The following PPP4R1 variants were observed in gnomAD, a reference collection of about 807,000 sequenced individuals.
PPP4R1 encodes protein phosphatase 4 regulatory subunit 1.
In PPP4R1, 42 loss-of-function variants were observed where a neutral mutation model predicts 111.2. The observed-to-expected ratio is 0.38, with a 90% CI of 0.29 to 0.49. The LOEUF is 0.49. PPP4R1 is among the 20% of genes least tolerant of loss of function. The pLI is 0.97. For synonymous variants in PPP4R1, 409 were observed against 405.5 expected (o/e 1.01, Z -0.10); for missense variants, 1,012 against 1,161.6 (o/e 0.87, Z 1.87).
chr18:9,594,079 C>A, intron 3 of PPP4R1: 1 of 458,448 alleles, frequency 2.2e-6, no homozygotes, highest in South Asian at 2.6e-5. Context: ...AGGCATGCAC[C>A]ACCACACCTG....
At chr18:9,598,244 T>C (rs1193169533) in intron 2 of PPP4R1, among the ~76,000 whole-genome samples, 1 of 152,092 alleles carries the variant, frequency 6.6e-6, no homozygotes, top group Non-Finnish European at 1.5e-5. Context: ...ATGGGAGATA[T>C]AAAATATATT....
At chr18:9,567,850 C>T (rs891049870) in intron 11 of PPP4R1, among the ~76,000 whole-genome samples, 2 of 152,216 alleles carry the variant, frequency 1.3e-5, no homozygotes, top group African/African-American at 2.4e-5. Flanking sequence ...TCAGCAACCA[C>T]TGCCCTGACC....
rs1056101168 is a variant in PPP4R1 at position 9,584,901 on chromosome 18, G to A, written c.586-73C>T. The A allele has an allele frequency of 9.9e-6, 12 of 1,207,014 alleles. No individual in the cohort carries two copies. The African/African-American group carries it at 1.7e-4, about 17-fold the overall frequency. The allele number at this position is 1,207,014 out of a possible 1,614,324, so 74.8% of individuals were successfully genotyped here. The stretch of plus-strand genomic sequence containing the variant: ...CTTTCAGTTAAATTAAATAATAAAA[G>A]TATATAATTTGAGGAAACATAAAAT... On this transcript the variant is annotated intron_variant, in intron 6 of 19. Coordinates refer to ENST00000400556, the MANE Select transcript of PPP4R1 (RefSeq NM_001042388.3).
At chr18:9,616,944 G>A (rs367641822), upstream of PPP4R1, among the ~76,000 whole-genome samples, 1 of 152,160 alleles carries the variant, frequency 6.6e-6, no homozygotes, top group Admixed American at 6.5e-5. Flanking sequence ...ATGGTTTTTA[G>A]ATATTTCAGT....
At chr18:9,611,311 G>A (rs2067575443) in intron 2 of PPP4R1, among the ~76,000 whole-genome samples, 1 of 152,060 alleles carries the variant, frequency 6.6e-6, no homozygotes, top group African/African-American at 2.4e-5. Flanking sequence ...CATAGACAGA[G>A]AAACTCAGGC....
At position 9,561,264 on chromosome 18, in the gene PPP4R1, A is replaced by T. The variant is rs905986828; in HGVS notation, c.1842+716T>A. On this transcript the variant is annotated intron_variant, in intron 13 of 19. Transcript: ENST00000400556. ...ATAATAATAATAATAATAATAATAA[A>T]GTCATAGAAGCAAACAACACGTACA... 7.7e-5 allele frequency among the ~76,000 whole-genome samples: 11 copies of T among 143,484 alleles called. No individual in the cohort carries two copies. In the East Asian group the frequency reaches 1.0e-3, roughly 13 times the overall value. 94.1% of individuals were successfully genotyped at this position (143,484 alleles called of 152,430 possible).
At position 9,547,734 on chromosome 18, in the gene PPP4R1, G is replaced by A. The variant is rs1230278409; in HGVS notation, c.*55C>T. On this transcript the variant is annotated 3_prime_UTR_variant, in exon 20 of 20. Transcript: ENST00000400556. ...ATCCCAGGTCACATGCGTGGCGAAT[G>A]CCCACTGAACCTCGGCTCTCATGGA... 10 of 1,591,622 alleles carry A rather than the reference G, an allele frequency of 6.3e-6. No individual in the cohort carries two copies. The African/African-American group carries it at 8.1e-5, about 13-fold the overall frequency.
intron 2 of PPP4R1, among the ~76,000 whole-genome samples, chr18:9,603,785 T>A (rs534452158): frequency 6.6e-6 from 1 of 152,152 alleles, no homozygotes; most frequent in Non-Finnish European, 1.5e-5. Flanking sequence ...TTGCCTGACA[T>A]AAAATTTAAA....
At position 9,549,760 on chromosome 18, in the gene PPP4R1, T is replaced by C. The variant is rs1473300408; in HGVS notation, c.2547+292A>G. On this transcript the variant is annotated intron_variant, in intron 18 of 19. Coordinates refer to ENST00000400556, the MANE Select transcript of PPP4R1 (RefSeq NM_001042388.3). ...AAATGTACATATACACACGTCTGAA[T>C]GTGTGCAGAGCAGAACACGCACATA... is the stretch of plus-strand genomic sequence containing the variant. 2.1e-5 allele frequency: 11 copies of C among 528,968 alleles called. No individual in the cohort carries two copies. In the East Asian group the frequency reaches 3.2e-4, roughly 16 times the overall value. The allele number at this position is 528,968 out of a possible 1,614,324, so 32.8% of individuals were successfully genotyped here. A position where few individuals can be genotyped will look rare whatever the true frequency, so the allele number is the denominator to read the frequency against.
At chr18:9,591,585 T>A (rs776542634) in intron 4 of PPP4R1, among the ~76,000 whole-genome samples, 1 of 152,200 alleles carries the variant, frequency 6.6e-6, no homozygotes, top group Non-Finnish European at 1.5e-5. Flanking sequence ...AAACTAAGGA[T>A]ACATATTTCA....
At chr18:9,606,632 G>A (rs1396284874) in intron 2 of PPP4R1, among the ~76,000 whole-genome samples, 1 of 151,864 alleles carries the variant, frequency 6.6e-6, no homozygotes, top group Admixed American at 6.6e-5. Flanking sequence ...CTGAATTTAA[G>A]GCAAGAATAA....
At chr18:9,564,842 A>G (rs1426653127) in intron 11 of PPP4R1, among the ~76,000 whole-genome samples, 3 of 150,662 alleles carry the variant, frequency 2.0e-5, no homozygotes, top group African/African-American at 7.3e-5. Context: ...TTTTTCTTTA[A>G]AGAGGTGAGG....
chr18:9,561,982 G>A lies in PPP4R1; in HGVS notation c.1840C>T (p.Gln614Ter). 1 of 1,606,068 alleles carries A rather than the reference G, an allele frequency of 6.2e-7. No homozygotes were observed. The highest frequency in any genetic ancestry group is 8.5e-7 in the Non-Finnish European group (1 of 1,172,942). ...GAACACATTTTTTGGTCACTTACTTGTACTTTAGTTCTCCTTTCCTCATCA... is the reference window on the plus strand; with the variant it reads ...GAACACATTTTTTGGTCACTTACTTATACTTTAGTTCTCCTTTCCTCATCA... ...SPDEERRTKVQDVVPQALLDQ... is the reference protein window; with the variant it reads ...SPDEERRTKV The change falls in exon 13 of 20, where the codon CAA (glutamine) becomes TAA (stop). Residue 614 changes from glutamine (Q) to a stop codon, truncating the protein, a stop_gained and splice_region_variant. Transcript: ENST00000400556. LOFTEE classifies it high-confidence loss of function.
At chr18:9,588,352 C>T (rs1382167133) in intron 5 of PPP4R1, 117 bp from the exon 6 acceptor site, 14 of 1,079,140 alleles carry the variant, frequency 1.3e-5, no homozygotes, top group East Asian at 5.2e-5. Context: ...GGCAAAACTC[C>T]GCAAATAAAT....
chr18:9,563,935 G>A (rs558987642), intron 11 of PPP4R1: 1 of 157,870 alleles, frequency 6.3e-6, no homozygotes, highest in African/African-American at 2.4e-5. Context: ...TTTAGCAGAA[G>A]AGCAGTCACA....
chr18:9,590,817 A>AT (rs1193369594), intron 4 of PPP4R1, among the ~76,000 whole-genome samples: 10 of 152,200 alleles, frequency 6.6e-5, no homozygotes, highest in African/African-American at 2.4e-4. Flanking sequence ...ACAGGAAAAG[A>AT]TATTTATGAC....
intron 8 of PPP4R1, 24 bp from the exon 9 acceptor site, chr18:9,583,299 G>A: frequency 6.6e-7 from 1 of 1,506,060 alleles, no homozygotes. Flanking sequence ...AAAGAGTCTT[G>A]TTAGTTGGAT....
chr18:9,559,487 A>G lies in PPP4R1; in HGVS notation c.1960T>C (p.Leu654=), dbSNP rs1289728854. ...HCAYSLPGVA[L]TLGRQNWHCL... ...TGCCAATTCTGTCTTCCGAGTGTCA[A>G]GGCCACACCAGGGAGGCTATATGCA... Residue 654 remains leucine (L), a synonymous_variant, in exon 14 of 20, where the codon TTG becomes CTG. Coordinates refer to ENST00000400556, the MANE Select transcript of PPP4R1 (RefSeq NM_001042388.3). 1.9e-6 allele frequency: 3 copies of G among 1,613,774 alleles called. No individual in the cohort carries two copies. Among genetic ancestry groups the G allele is most frequent in the Non-Finnish European group, 2.5e-6 (3 of 1,179,890 alleles).
At chr18:9,561,901 G>T in intron 13 of PPP4R1, 79 bp downstream of exon 13, 1 of 1,165,644 alleles carries the variant, frequency 8.6e-7, no homozygotes, top group Non-Finnish European at 1.3e-6. Flanking sequence ...ATAAAGAAGG[G>T]GCAAATTAGG....
Sources: gnomAD v4.1 joint callset for allele counts (sites outside exome capture counted in the v4.1 genomes callset) on GRCh38, gnomAD v4.1.1 for gene constraint, MANE v1.5 for transcripts, NCBI Gene and HGNC (gene_info 2026-07-23, HGNC 2026-07-21) for gene names.